SREK1IP1: variants seen among roughly 807,000 people sequenced by gnomAD.
The protein encoded by SREK1IP1 is SREK1 interacting protein 1.
Under a neutral mutation model 22.8 loss-of-function variants are expected in SREK1IP1, and 12 were observed. That is an observed-to-expected ratio of 0.53 (90% CI 0.34 to 0.85). The LOEUF (loss-of-function observed/expected upper bound fraction) is 0.85. SREK1IP1 is among the 40% of genes least tolerant of loss of function. The probability of loss-of-function intolerance (pLI) is 0.02; values close to 1 mark genes in which losing one functional copy is unlikely to be tolerated. For missense variants in SREK1IP1, 147 were observed against 171.8 expected, an observed-to-expected ratio of 0.86 and a Z score of 0.81; for synonymous variants, 53 against 52.7, an observed-to-expected ratio of 1.01 and a Z score of -0.02.
In SREK1IP1 at chr5:64,768,654, G is replaced by A. The variant is rs548888868; in HGVS notation, c.-137C>T. On this transcript the variant is annotated 5_prime_UTR_variant, in exon 1 of 5. Transcript: ENST00000513458. The stretch of plus-strand genomic sequence containing the variant: ...GCAGCACCCTCGCTACGGTCGGGAA[G>A]GGCCTGTACGCCTCTAGCGACGGCA... The A allele has an allele frequency of 5.8e-6, 7 of 1,214,232 alleles. No individual in the cohort carries two copies. Among genetic ancestry groups the A allele is most frequent in the East Asian group, 2.4e-5 (1 of 41,434 alleles). 75.2% of individuals were successfully genotyped at this position (1,214,232 alleles called of 1,614,324 possible).
At chr5:64,750,270 T>C (rs141337886) in intron 2 of SREK1IP1, among the ~76,000 whole-genome samples, 184 of 152,350 alleles carry the variant, frequency 1.2e-3, no homozygotes, top group African/African-American at 3.5e-3. Context: ...TTTCATTCAT[T>C]TACACTCATG....
intron 2 of SREK1IP1, among the ~76,000 whole-genome samples, chr5:64,753,986 A>C (rs936326650): frequency 2.6e-5 from 4 of 152,186 alleles, no homozygotes; most frequent in African/African-American, 9.6e-5. Flanking sequence ...TTTTTCTCCT[A>C]GTATGTGGAA....
At chr5:64,747,305 T>C (rs1024728950) in intron 2 of SREK1IP1, among the ~76,000 whole-genome samples, 2 of 152,144 alleles carry the variant, frequency 1.3e-5, no homozygotes, top group Non-Finnish European at 2.9e-5. Context: ...ATCACATGGA[T>C]TGTTCCTCTG....
At chr5:64,732,919 GA>G (rs747301015) in intron 3 of SREK1IP1, among the ~76,000 whole-genome samples, 1,334 of 127,864 alleles carry the variant, frequency 0.01, 12 homozygotes, top group African/African-American at 0.027. Flanking sequence ...ATTTTTTGGG[GA>G]AAAAAAAAAA....
Position 64,724,249 on chromosome 5 carries a change from T to C in SREK1IP1, c.*135A>G. On this transcript the variant is annotated 3_prime_UTR_variant, in exon 5 of 5. Coordinates refer to ENST00000513458, the MANE Select transcript of SREK1IP1 (RefSeq NM_173829.4). ...AAATATATTGCCAGAGGGATAATGG[T>C]CCCAAATACGAAAAATGTCTATATG... 1.4e-6 allele frequency: 1 copy of C among 727,980 alleles called. No homozygotes were observed. The highest frequency in any genetic ancestry group is 2.7e-5 in the South Asian group (1 of 37,732). 45.1% of individuals were successfully genotyped at this position (727,980 alleles called of 1,614,324 possible). A position where few individuals can be genotyped will look rare whatever the true frequency, so the allele number is the denominator to read the frequency against.
chr5:64,757,314 C>G (rs1217503548), intron 1 of SREK1IP1, among the ~76,000 whole-genome samples: 2 of 152,064 alleles, frequency 1.3e-5, no homozygotes, highest in Non-Finnish European at 2.9e-5. Context: ...GAGGATCGCT[C>G]AAGCCCAGGA....
At chr5:64,736,373 A>C (rs1742462282) in intron 3 of SREK1IP1, among the ~76,000 whole-genome samples, 2 of 152,118 alleles carry the variant, frequency 1.3e-5, no homozygotes, top group Non-Finnish European at 2.9e-5. Context: ...GCTGGCTATA[A>C]TTGCAAATTT....
Position 64,724,483 on chromosome 5 carries a change from ACT to A in SREK1IP1, c.367_368del (p.Ser123Ter), listed in dbSNP as rs2112083484. On this transcript the variant is annotated frameshift_variant, in exon 5 of 5. Transcript: ENST00000513458. LOFTEE classifies it high-confidence loss of function. ...QKKEKKKEKK[S>X]KSKKGKHHKK... ...TGTGATGTTTCCCTTTTTTTGATTT[ACT>A]CTTTTTTTCTTTTTTCTTTTCTTTC... 1.3e-6 allele frequency: 2 copies of A among 1,578,476 alleles called. No individual in the cohort carries two copies. Among genetic ancestry groups the A allele is most frequent in the Non-Finnish European group, 1.7e-6 (2 of 1,167,170 alleles).
intron 2 of SREK1IP1, among the ~76,000 whole-genome samples, chr5:64,749,559 C>G (rs879889663): frequency 2.6e-5 from 4 of 152,134 alleles, no homozygotes; most frequent in Non-Finnish European, 5.9e-5. Context: ...ACCTTAGCCT[C>G]CAAAGTAGCT....
Position 64,724,413 on chromosome 5 carries a change from G to C in SREK1IP1, c.439C>G (p.Pro147Ala). 2 of 1,578,822 alleles carry C rather than the reference G, an allele frequency of 1.3e-6. No homozygotes were observed. The highest frequency in any genetic ancestry group is 8.5e-7 in the Non-Finnish European group (1 of 1,170,172). Residue 147 changes from proline (P) to alanine (A), a missense_variant, in exon 5 of 5, where the codon CCT (proline) becomes GCT (alanine). Physicochemically the swap from Pro to Ala is conservative, Grantham distance 27. Around this residue, in one of 3 missense-constraint regions of SREK1IP1, gnomAD observed 82 missense variants for 81.7 expected, o/e 1.00. Coordinates refer to ENST00000513458, the MANE Select transcript of SREK1IP1 (RefSeq NM_173829.4). ...KRKKEKHSST[P>A]NSSEFSRK ...TTTCTGGAGAATTCAGAACTATTAG[G>C]TGTAGAAGAATGCTTTTCCTTTTTT...
chr5:64,757,667 C>A (rs1257167079), intron 1 of SREK1IP1, among the ~76,000 whole-genome samples: 1 of 152,078 alleles, frequency 6.6e-6, no homozygotes, highest in African/African-American at 2.4e-5. Context: ...TCTGGTGTTA[C>A]AACTTTTCAT....
chr5:64,754,382 A>T lies in SREK1IP1; in HGVS notation c.14-20T>A. ...TGCAACCTGAAATACAATTGGATAG[A>T]ATTTTAGGAAGTAAATAAATATGCG... On this transcript the variant is annotated intron_variant, in intron 1 of 4. Transcript: ENST00000513458. The T allele has an allele frequency of 9.9e-6, 16 of 1,611,142 alleles. No homozygotes were observed. Among genetic ancestry groups the T allele is most frequent in the Non-Finnish European group, 1.4e-5 (16 of 1,178,148 alleles).
In SREK1IP1 at chr5:64,741,069, A is replaced by G. The variant is rs1346112717; in HGVS notation, c.193T>C (p.Leu65=). The change falls in exon 3 of 5, where the codon TTA becomes CTA. Residue 65 remains leucine (L), a synonymous_variant. Transcript: ENST00000513458. ...AAATATTGCTTACTTTTTTCCTGTAATGCCTGCAATTTATTCAGTTCTTCA... is the reference window on the plus strand; with the variant it reads ...AAATATTGCTTACTTTTTTCCTGTAGTGCCTGCAATTTATTCAGTTCTTCA... The part of the protein sequence containing the change: ...ENEELNKLQA[L]QEKRINEEEE... The G allele has an allele frequency of 6.2e-7, 1 of 1,610,448 alleles. No homozygotes were observed. The highest frequency in any genetic ancestry group is 1.1e-5 in the South Asian group (1 of 90,572).
chr5:64,768,612 T>C lies in SREK1IP1; in HGVS notation c.-95A>G. On this transcript the variant is annotated 5_prime_UTR_variant, in exon 1 of 5. Transcript: ENST00000513458. ...AACAAGGCACAGTCAAAGCGGCGTTTTCCTTCCCCCAGCGCAGCAGCACCC... is the reference window on the plus strand; with the variant it reads ...AACAAGGCACAGTCAAAGCGGCGTTCTCCTTCCCCCAGCGCAGCAGCACCC... 1 of 1,585,844 alleles carries C rather than the reference T, an allele frequency of 6.3e-7. No individual in the cohort carries two copies. The highest frequency in any genetic ancestry group is 8.6e-7 in the Non-Finnish European group (1 of 1,157,520).
chr5:64,747,513 G>T (rs761936718), intron 2 of SREK1IP1, among the ~76,000 whole-genome samples: 12 of 152,120 alleles, frequency 7.9e-5, no homozygotes, highest in Non-Finnish European at 1.8e-4. Context: ...CATTTCTTAT[G>T]ATCATAAATG....
In SREK1IP1 at chr5:64,724,251, C is replaced by T; in HGVS notation, c.*133G>A. ...ATATATTGCCAGAGGGATAATGGTC[C>T]CAAATACGAAAAATGTCTATATGGA... On this transcript the variant is annotated 3_prime_UTR_variant, in exon 5 of 5. Transcript: ENST00000513458. 1.3e-6 allele frequency: 1 copy of T among 753,006 alleles called. No individual in the cohort carries two copies. The highest frequency in any genetic ancestry group is 2.1e-6 in the Non-Finnish European group (1 of 478,084). 46.6% of individuals were successfully genotyped at this position (753,006 alleles called of 1,614,324 possible). A position where few individuals can be genotyped will look rare whatever the true frequency, so the allele number is the denominator to read the frequency against.
At chr5:64,768,363 A>G in intron 1 of SREK1IP1, 142 bp downstream of exon 1, 1 of 1,054,436 alleles carries the variant, frequency 9.5e-7, no homozygotes, top group South Asian at 1.5e-5. Flanking sequence ...AAACTTTTTC[A>G]TGTAAACAAA....
intron 3 of SREK1IP1, among the ~76,000 whole-genome samples, chr5:64,729,070 T>A (rs1340859391): frequency 6.6e-6 from 1 of 152,182 alleles, no homozygotes; most frequent in Non-Finnish European, 1.5e-5. Flanking sequence ...CAGGAGCCTG[T>A]ACTCCCAGCT....
At chr5:64,744,498 C>T (rs764269665) in intron 2 of SREK1IP1, among the ~76,000 whole-genome samples, 2 of 152,108 alleles carry the variant, frequency 1.3e-5, no homozygotes, top group African/African-American at 2.4e-5. Flanking sequence ...TGGACGGATT[C>T]GCCACCGGTA....
Sources: gnomAD v4.1 joint callset for allele counts (sites outside exome capture counted in the v4.1 genomes callset) on GRCh38, gnomAD v4.1.1 for gene constraint, gnomAD v4.1.1 regional missense constraint, MANE v1.5 for transcripts, NCBI Gene and HGNC (gene_info 2026-07-23, HGNC 2026-07-21) for gene names.